The following PDZD8 variants were observed in gnomAD, a reference collection of about 807,000 sequenced individuals.
The protein encoded by PDZD8 is PDZ domain-containing protein 8.
A neutral mutation model predicts 85.8 loss-of-function variants in PDZD8; 14 were observed. That is an observed-to-expected ratio of 0.16 (90% CI 0.11 to 0.26). The LOEUF (loss-of-function observed/expected upper bound fraction) is 0.26. Ranked by LOEUF, PDZD8 falls within the 10% of genes least tolerant of loss-of-function variation. PDZD8 has a pLI of 1.00. For synonymous variants in PDZD8, 592 were observed against 568.6 expected (o/e 1.04, Z -0.59); for missense variants, 1,197 against 1,424.3 (o/e 0.84, Z 2.57).
chr10:117,351,528 T>A (rs960406421), intron 1 of PDZD8, among the ~76,000 whole-genome samples: 4 of 152,160 alleles, frequency 2.6e-5, no homozygotes, highest in Non-Finnish European at 5.9e-5. Flanking sequence ...CTAGGTAGCA[T>A]ATGAGGAGCT....
rs1481691591 is a variant in PDZD8, at chr10:117,283,442, G to A, written c.3291C>T (p.Gly1097=). The A allele has an allele frequency of 2.5e-6, 4 of 1,613,852 alleles. No individual in the cohort carries two copies. The African/African-American group carries it at 5.3e-5, about 22-fold the overall frequency. The part of the protein sequence containing the change: ...LTLLMIHYRA[G]IEDIETLESL... The stretch of plus-strand genomic sequence containing the variant: ...TTTCTAAAGTTTCTATATCTTCAAT[G>A]CCTGCTCTGTAGTGAATCATAAGAA... The change falls in exon 5 of 5, where the codon GGC becomes GGT. Residue 1097 remains glycine, a synonymous_variant. Transcript: ENST00000334464.
In PDZD8 at chr10:117,284,651, T is replaced by C. The variant is rs1844628826; in HGVS notation, c.2082A>G (p.Thr694=). 30 of 1,614,196 alleles carry C rather than the reference T, an allele frequency of 1.9e-5. No homozygotes were observed. Among genetic ancestry groups the C allele is most frequent in the Non-Finnish European group, 2.5e-5 (29 of 1,180,022 alleles). ...ILYRNKLGKW[T]RTRASCLFDI... ...CAAACAAACAGGATGCTCTGGTTCT[T>C]GTCCATTTTCCTAGCTTATTACGAT... The change falls in exon 5 of 5, where the codon ACA becomes ACG. Residue 694 remains threonine, a synonymous_variant. Coordinates refer to ENST00000334464, the MANE Select transcript of PDZD8 (RefSeq NM_173791.5).
At position 117,330,557 on chromosome 10, in the gene PDZD8, C is replaced by A. The variant is rs563490498; in HGVS notation, c.995+10423G>T. Among the ~76,000 whole-genome samples, 66 of 152,288 alleles carry A rather than the reference C, an allele frequency of 4.3e-4. No homozygotes were observed. The South Asian group carries it at 5.2e-3, about 12-fold the overall frequency. On this transcript the variant is annotated intron_variant, in intron 2 of 4. Coordinates refer to ENST00000334464, the MANE Select transcript of PDZD8 (RefSeq NM_173791.5). ...CCTTAGAGTTCCTTTGCCTCCCCTG[C>A]CTATTAACTCATCCATATATTCAGT...
chr10:117,329,000 T>C (rs554696828), intron 2 of PDZD8, among the ~76,000 whole-genome samples: 1 of 152,288 alleles, frequency 6.6e-6, no homozygotes, highest in East Asian at 1.9e-4. Flanking sequence ...ATAGACGACA[T>C]TTGCTTTAGC....
intron 4 of PDZD8, among the ~76,000 whole-genome samples, chr10:117,288,325 C>T (rs1413091539): frequency 6.6e-6 from 1 of 151,178 alleles, no homozygotes; most frequent in Non-Finnish European, 1.5e-5. Context: ...TACAAAAATG[C>T]ATAGTTTAGA....
At chr10:117,294,936 C>T (rs1409143446) in intron 3 of PDZD8, among the ~76,000 whole-genome samples, 1 of 152,040 alleles carries the variant, frequency 6.6e-6, no homozygotes, top group African/African-American at 2.4e-5. Flanking sequence ...TTCTATTGCA[C>T]AATAGGGTAA....
chr10:117,324,350 T>C (rs1272258302), intron 2 of PDZD8, among the ~76,000 whole-genome samples: 1 of 151,824 alleles, frequency 6.6e-6, no homozygotes, highest in African/African-American at 2.4e-5. Flanking sequence ...TTGTAAGAGA[T>C]TCCTAGAAAT....
chr10:117,319,410 C>G (rs976362584), intron 2 of PDZD8, among the ~76,000 whole-genome samples: 4 of 78,336 alleles, frequency 5.1e-5, no homozygotes, highest in Non-Finnish European at 1.4e-4. Flanking sequence ...CACACACACA[C>G]ACACACACAC....
chr10:117,333,503 ATAT>A (rs1369859391), intron 2 of PDZD8, among the ~76,000 whole-genome samples: 1 of 152,218 alleles, frequency 6.6e-6, no homozygotes, highest in Non-Finnish European at 1.5e-5. Context: ...AAAAAAGCAA[ATAT>A]TATTATTTAG....
At chr10:117,324,639 G>A (rs1174987940) in intron 2 of PDZD8, among the ~76,000 whole-genome samples, 1 of 152,106 alleles carries the variant, frequency 6.6e-6, no homozygotes, top group Admixed American at 6.6e-5. Context: ...CATTGGCCTG[G>A]ATAAGAATTT....
At chr10:117,333,050 C>T (rs933499265) in intron 2 of PDZD8, among the ~76,000 whole-genome samples, 17 of 129,378 alleles carry the variant, frequency 1.3e-4, no homozygotes, top group African/African-American at 4.7e-4. Context: ...ACTTGGTAGG[C>T]ATAGGTTGTG....
At position 117,374,492 on chromosome 10, in the gene PDZD8, C is replaced by G; in HGVS notation, c.736G>C (p.Val246Leu). Residue 246 changes from valine (V) to leucine (L), a missense_variant, in exon 1 of 5, where the codon GTG becomes CTG. Around this residue, in one of 4 missense-constraint regions of PDZD8, gnomAD observed 344 missense variants for 453.6 expected, o/e 0.76. Transcript: ENST00000334464. The surrounding 1 kb of genome is among the most constrained non-coding windows in gnomAD (Gnocchi z 7.8). ...VPFTHWFFSF[V>L]EDPLIDFEVR... Reference sequence around the variant, plus strand: ...TCGAAGTCGATCAGCGGGTCTTCCACGAAGGAGAAGAACCAGTGGGTGAAG... The same window carrying G: ...TCGAAGTCGATCAGCGGGTCTTCCAGGAAGGAGAAGAACCAGTGGGTGAAG... 1 of 1,613,708 alleles carries G rather than the reference C, an allele frequency of 6.2e-7. No homozygotes were observed. The highest frequency in any genetic ancestry group is 8.5e-7 in the Non-Finnish European group (1 of 1,179,810).
At chr10:117,334,302 T>C (rs1844478520) in intron 2 of PDZD8, among the ~76,000 whole-genome samples, 1 of 151,786 alleles carries the variant, frequency 6.6e-6, no homozygotes, top group South Asian at 2.1e-4. Context: ...GAAGCAGGAG[T>C]TTATGACTAG....
rs1412698293 is a variant in PDZD8 at position 117,374,936 on chromosome 10, G to A, written c.292C>T (p.Leu98Phe). The change falls in exon 1 of 5, where the codon CTC (leucine) becomes TTC (phenylalanine). Residue 98 changes from leucine (L) to phenylalanine (F), a missense_variant. Leu to Phe is a conservative substitution (Grantham distance 22). This residue lies in a region of PDZD8 where 172 missense variants were observed against 137.8 expected (regional missense o/e 1.25). Coordinates refer to ENST00000334464, the MANE Select transcript of PDZD8 (RefSeq NM_173791.5). This position sits in a 1 kb window ranked among gnomAD's most constrained non-coding sequence, Gnocchi z 7.8. ...AACAGGAATAGGATGGTGGCGTTGA[G>A]GAAGTAGCAAGTCTCCCGCGTCGGC... ...APPTRETCYF[L>F]NATILFLFRE... 1 of 1,613,152 alleles carries A rather than the reference G, an allele frequency of 6.2e-7. No homozygotes were observed. Among genetic ancestry groups the A allele is most frequent in the East Asian group, 2.2e-5 (1 of 44,796 alleles).
At chr10:117,360,452 G>GC (rs964489655) in intron 1 of PDZD8, among the ~76,000 whole-genome samples, 1 of 151,820 alleles carries the variant, frequency 6.6e-6, no homozygotes, top group Non-Finnish European at 1.5e-5. Flanking sequence ...TTCTCTACCA[G>GC]CCCCCCAACA....
intron 3 of PDZD8, among the ~76,000 whole-genome samples, chr10:117,299,263 T>C (rs373862247): frequency 6.6e-6 from 1 of 152,168 alleles, no homozygotes; most frequent in East Asian, 1.9e-4. Flanking sequence ...CAGTCCACGG[T>C]TGGGTTTCAA....
rs147877240 is a variant in PDZD8 at position 117,369,417 on chromosome 10, C to T, written c.872+4939G>A. ...CAAGTGATCCGCCTGCCTTGCCCTCCCAAAGTGCTGGGATTACAGGAGTGA... is the reference window on the plus strand; with the variant it reads ...CAAGTGATCCGCCTGCCTTGCCCTCTCAAAGTGCTGGGATTACAGGAGTGA... On this transcript the variant is annotated intron_variant, in intron 1 of 4. Coordinates refer to ENST00000334464, the MANE Select transcript of PDZD8 (RefSeq NM_173791.5). Among the ~76,000 whole-genome samples, 1,402 of 152,170 alleles carry T rather than the reference C, an allele frequency of 9.2e-3. 24 individuals are homozygous for T. The highest frequency in any genetic ancestry group is 0.032 in the African/African-American group (1,336 of 41,500).
rs182061110 is a variant in PDZD8, at chr10:117,299,285, T to C, written c.1099-8937A>G. 4.7e-3 allele frequency among the ~76,000 whole-genome samples: 723 copies of C among 152,332 alleles called. 3 individuals are homozygous for C. Among genetic ancestry groups the C allele is most frequent in the African/African-American group, 0.016 (678 of 41,588 alleles). ...CGGTTGGGTTTCAATCCACAGTTGA[T>C]TGAATCTGGTAATGATCTTTTTGCA... is the stretch of plus-strand genomic sequence containing the variant. On this transcript the variant is annotated intron_variant, in intron 3 of 4. Coordinates refer to ENST00000334464, the MANE Select transcript of PDZD8 (RefSeq NM_173791.5).
intron 1 of PDZD8, among the ~76,000 whole-genome samples, chr10:117,368,646 C>T (rs974535774): frequency 2.0e-5 from 3 of 152,036 alleles, no homozygotes; most frequent in South Asian, 2.1e-4. Context: ...TAAGTTGATG[C>T]CCCCCTTTTT....
Sources: allele counts gnomAD v4.1 joint callset (sites outside exome capture counted in the v4.1 genomes callset), GRCh38; gene constraint gnomAD v4.1.1; regional missense constraint gnomAD v4.1.1; non-coding constraint Gnocchi (gnomAD v3.1); transcripts MANE v1.5; gene names NCBI Gene and HGNC (gene_info 2026-07-23, HGNC 2026-07-21).